The following FRMD4B variants were observed in gnomAD, a reference collection of about 807,000 sequenced individuals.
FRMD4B encodes the protein FERM domain containing 4B, also known as FERM domain-containing protein 4B.
Under a neutral mutation model 141.5 loss-of-function variants are expected in FRMD4B, and 74 were observed. That is an observed-to-expected ratio of 0.52 (90% CI 0.43 to 0.63). FRMD4B has a LOEUF of 0.63. FRMD4B is among the 30% of genes least tolerant of loss of function. FRMD4B has a pLI of 0.00. For synonymous variants in FRMD4B, 506 were observed against 467.9 expected, an observed-to-expected ratio of 1.08 and a Z score of -1.05; for missense variants, 1,366 against 1,253.4, an observed-to-expected ratio of 1.09 and a Z score of -1.36.
At chr3:69,379,923 T>C (rs549034679) in intron 1 of FRMD4B, among the ~76,000 whole-genome samples, 4 of 152,338 alleles carry the variant, frequency 2.6e-5, no homozygotes, top group Admixed American at 1.3e-4. Flanking sequence ...CCGCAAGCCA[T>C]AGTTTGCTGA....
rs1266853384 is a variant in FRMD4B at position 69,314,285 on chromosome 3, T to G, written c.163-768A>C. Among the ~76,000 whole-genome samples, 13 of 144,776 alleles carry G rather than the reference T, an allele frequency of 9.0e-5. No homozygotes were observed. In the Admixed American group the frequency reaches 9.0e-4, roughly 10 times the overall value. 95.0% of individuals were successfully genotyped at this position (144,776 alleles called of 152,430 possible). A position where few individuals can be genotyped will look rare whatever the true frequency, so the allele number is the denominator to read the frequency against. ...GCTCACTCCTGTAATCCTAGCACTT[T>G]GGGAGGCAGAGGCAGGCAGATCACT... On this transcript the variant is annotated intron_variant, in intron 1 of 22. Coordinates refer to ENST00000398540, the MANE Select transcript of FRMD4B (RefSeq NM_015123.3).
intron 5 of FRMD4B, among the ~76,000 whole-genome samples, chr3:69,265,786 T>C (rs940197321): frequency 6.6e-6 from 1 of 152,068 alleles, no homozygotes; most frequent in Non-Finnish European, 1.5e-5. Context: ...GTAGTTTAAA[T>C]AGAAACCAGA....
chr3:69,322,561 A>G (rs1702033905), intron 1 of FRMD4B, among the ~76,000 whole-genome samples: 1 of 149,786 alleles, frequency 6.7e-6, no homozygotes, highest in Non-Finnish European at 1.5e-5. Context: ...CAACCCTACC[A>G]GGGAGAGTCA....
intron 1 of FRMD4B, among the ~76,000 whole-genome samples, chr3:69,468,845 T>C (rs531540786): frequency 6.6e-6 from 1 of 152,332 alleles, no homozygotes; most frequent in African/African-American, 2.4e-5. Flanking sequence ...GTTAAAAATC[T>C]GCTTCATTGT....
chr3:69,244,406 T>G (rs972666219), intron 7 of FRMD4B, among the ~76,000 whole-genome samples: 1 of 152,210 alleles, frequency 6.6e-6, no homozygotes, highest in Non-Finnish European at 1.5e-5. Flanking sequence ...GGTCAGTCAT[T>G]GTTTTTACTG....
intron 7 of FRMD4B, among the ~76,000 whole-genome samples, chr3:69,227,901 G>A (rs1008380792): frequency 6.6e-6 from 1 of 151,644 alleles, no homozygotes; most frequent in Non-Finnish European, 1.5e-5. Flanking sequence ...AATAATAGGG[G>A]AAACAGTGGG....
intron 8 of FRMD4B, among the ~76,000 whole-genome samples, chr3:69,222,603 C>T (rs2093207049): frequency 6.6e-6 from 1 of 151,936 alleles, no homozygotes; most frequent in African/African-American, 2.4e-5. Context: ...GAAATGTCGT[C>T]TCTACTAAAA....
At chr3:69,212,380 A>AAAAAAAT in intron 11 of FRMD4B, among the ~76,000 whole-genome samples, 1 of 76,698 alleles carries the variant, frequency 1.3e-5, no homozygotes, top group Non-Finnish European at 2.5e-5. Flanking sequence ...AAAAAAAAAA[A>AAAAAAAT]GAAAAAAAAA....
At chr3:69,533,709 T>G (rs1163246720) in intron 1 of FRMD4B, among the ~76,000 whole-genome samples, 1 of 152,124 alleles carries the variant, frequency 6.6e-6, no homozygotes, top group Non-Finnish European at 1.5e-5. Flanking sequence ...TATCAAATGC[T>G]CTGGAACTCT....
intron 2 of FRMD4B, among the ~76,000 whole-genome samples, chr3:69,420,838 G>A (rs1315228521): frequency 6.6e-6 from 1 of 152,230 alleles, no homozygotes; most frequent in African/African-American, 2.4e-5. Context: ...GGATCCAAAA[G>A]AGCAGAGGAA....
chr3:69,210,869 C>T (rs1397375076), intron 11 of FRMD4B, among the ~76,000 whole-genome samples: 2 of 151,792 alleles, frequency 1.3e-5, no homozygotes, highest in Non-Finnish European at 2.9e-5. Context: ...CAAAATTAGC[C>T]AGGCATGGTG....
intron 2 of FRMD4B, among the ~76,000 whole-genome samples, chr3:69,416,828 T>C (rs966749990): frequency 6.6e-6 from 1 of 152,178 alleles, no homozygotes; most frequent in Admixed American, 6.5e-5. Context: ...TGTGTTAGTT[T>C]GCTGAGAATG....
intron 1 of FRMD4B, among the ~76,000 whole-genome samples, chr3:69,452,474 A>G (rs1404404328): frequency 6.6e-6 from 1 of 152,200 alleles, no homozygotes; most frequent in African/African-American, 2.4e-5. Flanking sequence ...CAAAGCTAAT[A>G]ATTTCTACCC....
In FRMD4B at chr3:69,187,888, G is replaced by A. The variant is rs773566028; in HGVS notation, c.1801C>T (p.Arg601Ter). The A allele has an allele frequency of 3.1e-6, 5 of 1,597,354 alleles. No homozygotes were observed. The highest frequency in any genetic ancestry group is 2.2e-5 in the East Asian group (1 of 44,570). ...PSDAFTFPGQ[R>*]SSSVPHSPRI... is the part of the protein sequence containing the mutation. ...GGAGAATGAGGTACTGAACTTGATC[G>A]CTGCCCAGGAAAAGTGAAGGCATCA... The change falls in exon 19 of 23, where the codon CGA becomes TGA. Residue 601 changes from arginine to a stop codon, truncating the protein, a stop_gained. Transcript: ENST00000398540. LOFTEE classifies it high-confidence loss of function.
At chr3:69,218,846 G>A (rs549927535) in intron 9 of FRMD4B, among the ~76,000 whole-genome samples, 1 of 152,218 alleles carries the variant, frequency 6.6e-6, no homozygotes, top group Admixed American at 6.5e-5. Context: ...ATGAATTATG[G>A]TATGTAAACC....
At chr3:69,369,007 A>G (rs779579138) in intron 1 of FRMD4B, among the ~76,000 whole-genome samples, 2 of 152,208 alleles carry the variant, frequency 1.3e-5, no homozygotes, top group Non-Finnish European at 2.9e-5. Flanking sequence ...TTGTTTATCA[A>G]ATTTTCATTT....
At chr3:69,479,902 G>A (rs961682689) in intron 1 of FRMD4B, among the ~76,000 whole-genome samples, 27 of 151,760 alleles carry the variant, frequency 1.8e-4, no homozygotes, top group Non-Finnish European at 2.7e-4. Flanking sequence ...GGCTTTGTTC[G>A]TTTCTTTTTA....
intron 1 of FRMD4B, among the ~76,000 whole-genome samples, chr3:69,513,249 G>A (rs920337975): frequency 1.3e-5 from 2 of 151,460 alleles, no homozygotes; most frequent in African/African-American, 4.9e-5. Context: ...GAAATAAAAG[G>A]GATTATAAGA....
intron 2 of FRMD4B, among the ~76,000 whole-genome samples, chr3:69,414,232 A>C (rs898727571): frequency 1.3e-5 from 2 of 152,136 alleles, no homozygotes; most frequent in Admixed American, 6.5e-5. Context: ...CTACTTCAAA[A>C]GACCTCAAAC....
Sources: allele counts gnomAD v4.1 joint callset (sites outside exome capture counted in the v4.1 genomes callset), GRCh38; gene constraint gnomAD v4.1.1; transcripts MANE v1.5; gene names NCBI Gene and HGNC (gene_info 2026-07-23, HGNC 2026-07-21).